The following FHIT variants were observed in gnomAD, a reference collection of about 807,000 sequenced individuals.
FHIT encodes the protein fragile histidine triad diadenosine triphosphatase.
In FHIT, 19 loss-of-function variants were observed where a neutral mutation model predicts 17.9. That is an observed-to-expected ratio of 1.06 (90% CI 0.74 to 1.56). The LOEUF (loss-of-function observed/expected upper bound fraction) is 1.56. Ranked by LOEUF, FHIT falls within the 40% of genes most tolerant of loss-of-function variation. The pLI is 0.00. For synonymous variants in FHIT, 81 were observed against 69.7 expected, an observed-to-expected ratio of 1.16 and a Z score of -0.81; for missense variants, 248 against 189.2, an observed-to-expected ratio of 1.31 and a Z score of -1.82.
chr3:60,402,770 C>G (rs959516469), intron 5 of FHIT, among the ~76,000 whole-genome samples: 3 of 152,230 alleles, frequency 2.0e-5, no homozygotes, highest in African/African-American at 7.2e-5. Context: ...ATTTTAGTTT[C>G]TTGAGGATTG....
At chr3:60,242,806 T>C (rs1282639173) in intron 5 of FHIT, among the ~76,000 whole-genome samples, 2 of 152,092 alleles carry the variant, frequency 1.3e-5, no homozygotes, top group African/African-American at 4.8e-5. Context: ...CTTTCAGTCC[T>C]TCTTCCTCAT....
intron 5 of FHIT, among the ~76,000 whole-genome samples, chr3:60,304,979 A>G (rs1708606737): frequency 6.6e-6 from 1 of 152,164 alleles, no homozygotes; most frequent in African/African-American, 2.4e-5. Context: ...GTGGCAATTG[A>G]GAAGGATACA....
chr3:60,240,997 T>C (rs1435986131), intron 5 of FHIT, among the ~76,000 whole-genome samples: 1 of 152,140 alleles, frequency 6.6e-6, no homozygotes, highest in Non-Finnish European at 1.5e-5. Flanking sequence ...AAAAAACAGA[T>C]TTGTAAGAAT....
chr3:60,015,221 A>G (rs1290490735), intron 5 of FHIT, among the ~76,000 whole-genome samples: 1 of 152,098 alleles, frequency 6.6e-6, no homozygotes, highest in Non-Finnish European at 1.5e-5. Context: ...CCATTCCGCT[A>G]TTGGTAGAAC....
At chr3:59,823,202 G>A (rs1224698988) in intron 8 of FHIT, among the ~76,000 whole-genome samples, 4 of 152,174 alleles carry the variant, frequency 2.6e-5, no homozygotes, top group African/African-American at 9.7e-5. Flanking sequence ...TGGCCTTATA[G>A]TATAGTTCAA....
At chr3:60,937,198 T>C (rs1340400897) in intron 3 of FHIT, among the ~76,000 whole-genome samples, 15 of 152,204 alleles carry the variant, frequency 9.9e-5, no homozygotes, top group Non-Finnish European at 1.6e-4. Context: ...CAAAGAAATG[T>C]AGATTCCACA....
intron 5 of FHIT, among the ~76,000 whole-genome samples, chr3:60,186,702 T>C (rs1012347254): frequency 6.6e-6 from 1 of 152,078 alleles, no homozygotes; most frequent in African/African-American, 2.4e-5. Flanking sequence ...GGAAAGACAG[T>C]GTTAGATTGA....
intron 5 of FHIT, among the ~76,000 whole-genome samples, chr3:60,239,303 T>C (rs926021884): frequency 2.0e-5 from 3 of 152,158 alleles, no homozygotes; most frequent in African/African-American, 7.2e-5. Context: ...CTCATGTCTG[T>C]AGTCCCACTA....
chr3:60,264,758 T>C (rs777206192), intron 5 of FHIT, among the ~76,000 whole-genome samples: 14 of 151,938 alleles, frequency 9.2e-5, no homozygotes, highest in Non-Finnish European at 1.8e-4. Context: ...TATCAATATA[T>C]CAAAACCATG....
intron 3 of FHIT, among the ~76,000 whole-genome samples, chr3:60,981,861 C>G (rs1049375675): frequency 2.0e-5 from 3 of 152,122 alleles, no homozygotes; most frequent in African/African-American, 7.2e-5. Flanking sequence ...CCTTGGCCTC[C>G]CAAAATGCTG....
At chr3:60,959,801 C>CTT (rs1246211795) in intron 3 of FHIT, among the ~76,000 whole-genome samples, 3 of 119,696 alleles carry the variant, frequency 2.5e-5, no homozygotes, top group Non-Finnish European at 3.6e-5. Context: ...GAGGCTTTTT[C>CTT]TTTTTTTTTT....
chr3:61,114,574 C>A (rs1473486530), intron 2 of FHIT, among the ~76,000 whole-genome samples: 2 of 152,024 alleles, frequency 1.3e-5, no homozygotes, highest in Non-Finnish European at 2.9e-5. Context: ...GAAAAAAAAA[C>A]AATCATTGGT....
rs187239515 is a variant in FHIT, at chr3:59,932,059, G to A, written c.280-9645C>T. 1.6e-4 allele frequency among the ~76,000 whole-genome samples: 25 copies of A among 152,104 alleles called. 1 individual carries two copies. The highest frequency in any genetic ancestry group is 1.5e-3 in the Admixed American group (23 of 15,276). ...CCTGGGTATATGCCTTTTCCTTTTGGCTTTGAGCTCACAAGGTGGAAATCA... is the reference window on the plus strand; with the variant it reads ...CCTGGGTATATGCCTTTTCCTTTTGACTTTGAGCTCACAAGGTGGAAATCA... On this transcript the variant is annotated intron_variant, in intron 7 of 9. Coordinates refer to ENST00000492590, the MANE Select transcript of FHIT (RefSeq NM_002012.4).
intron 5 of FHIT, among the ~76,000 whole-genome samples, chr3:60,237,262 A>ATTTTTTTTT (rs201958097): frequency 1.6e-5 from 2 of 124,850 alleles, no homozygotes; most frequent in African/African-American, 3.0e-5. Context: ...TTGTTTTTCC[A>ATTTTTTTTT]TTTTTTTTTT....
In FHIT at chr3:60,614,832, TTTTTTTTTTG is replaced by T. The variant is rs1553675164; in HGVS notation, c.-17-77863_-17-77854del. Among the ~76,000 whole-genome samples the T allele has an allele frequency of 6.2e-4, 51 of 81,920 alleles. 3 individuals carry two copies. The highest frequency in any genetic ancestry group is 1.6e-3 in the African/African-American group (46 of 29,428). 53.7% of individuals were successfully genotyped at this position (81,920 alleles called of 152,430 possible). On this transcript the variant is annotated intron_variant, in intron 4 of 9. Coordinates refer to ENST00000492590, the MANE Select transcript of FHIT (RefSeq NM_002012.4). ...TTGTTTTTTTTTTGTTTTTTTTTTG[TTTTTTTTTTG>T]TTTTTTGAGATGGAGCCCTGCTCTG...
chr3:60,520,600 A>G (rs534184667), intron 5 of FHIT, among the ~76,000 whole-genome samples: 1 of 152,230 alleles, frequency 6.6e-6, no homozygotes, highest in South Asian at 2.1e-4. Flanking sequence ...TTATTGCTGA[A>G]TTGTTGGTAG....
At chr3:59,839,953 T>G (rs185332474) in intron 8 of FHIT, among the ~76,000 whole-genome samples, 1 of 152,316 alleles carries the variant, frequency 6.6e-6, no homozygotes, top group East Asian at 1.9e-4. Flanking sequence ...AAAGATGACT[T>G]CTTTTACTGA....
chr3:60,851,284 GAGGCTTT>G (rs1703143570), intron 3 of FHIT, among the ~76,000 whole-genome samples: 1 of 152,086 alleles, frequency 6.6e-6, no homozygotes, highest in African/African-American at 2.4e-5. Context: ...AGGTCCAATA[GAGGCTTT>G]CCTCTAGCAT....
intron 4 of FHIT, among the ~76,000 whole-genome samples, chr3:60,539,697 A>C (rs555150883): frequency 4.5e-4 from 68 of 152,268 alleles, no homozygotes; most frequent in African/African-American, 1.6e-3. Flanking sequence ...AAGGACAAAA[A>C]ACCAAACACT....
Sources: gnomAD v4.1 joint callset for allele counts (sites outside exome capture counted in the v4.1 genomes callset) on GRCh38, gnomAD v4.1.1 for gene constraint, MANE v1.5 for transcripts, NCBI Gene and HGNC (gene_info 2026-07-23, HGNC 2026-07-21) for gene names.